Variants in REEP3 observed in about 807,000 individuals in gnomAD.
REEP3 encodes receptor accessory protein 3, also known as receptor expression-enhancing protein 3.
A neutral mutation model predicts 41.3 loss-of-function variants in REEP3; 20 were observed. The ratio of observed to expected loss-of-function variants is 0.48; its 90% CI spans 0.34 to 0.70. The LOEUF (loss-of-function observed/expected upper bound fraction) is 0.70, where lower values mean the gene tolerates loss of function less well. Ranked by LOEUF, REEP3 falls within the 30% of genes least tolerant of loss-of-function variation. The probability of loss-of-function intolerance (pLI) is 0.01; values close to 1 mark genes in which losing one functional copy is unlikely to be tolerated. For missense variants in REEP3, 271 were observed against 308.8 expected, an observed-to-expected ratio of 0.88 and a Z score of 0.92; for synonymous variants, 104 against 101.8, an observed-to-expected ratio of 1.02 and a Z score of -0.13.
intron 1 of REEP3, among the ~76,000 whole-genome samples, chr10:63,553,614 A>G (rs780861261): frequency 1.3e-5 from 2 of 152,172 alleles, no homozygotes; most frequent in Non-Finnish European, 2.9e-5. Flanking sequence ...ATCTGAGTTC[A>G]GTTTAGAGAA....
intron 1 of REEP3, among the ~76,000 whole-genome samples, chr10:63,527,132 A>G (rs1009344955): frequency 4.0e-5 from 6 of 151,886 alleles, no homozygotes; most frequent in South Asian, 4.2e-4. Flanking sequence ...GATTCTCTTC[A>G]TTTATATTGG....
At chr10:63,568,860 A>C (rs1419963975) in intron 2 of REEP3, among the ~76,000 whole-genome samples, 1 of 151,752 alleles carries the variant, frequency 6.6e-6, no homozygotes, top group Non-Finnish European at 1.5e-5. Context: ...ACAGAGTCTT[A>C]CTATGTTGTC....
intron 1 of REEP3, among the ~76,000 whole-genome samples, chr10:63,556,802 A>AT (rs1369896431): frequency 6.7e-6 from 1 of 148,264 alleles, no homozygotes; most frequent in African/African-American, 2.5e-5. Context: ...CGCCCGGCTA[A>AT]TTTTTTGTAT....
intron 1 of REEP3, among the ~76,000 whole-genome samples, chr10:63,532,585 G>A (rs1275483233): frequency 6.6e-6 from 1 of 151,934 alleles, no homozygotes; most frequent in African/African-American, 2.4e-5. Context: ...GAACCCAGGA[G>A]GCGGAGCTCG....
At chr10:63,597,916 A>G in intron 3 of REEP3, 108 bp from the exon 4 acceptor site, 1 of 1,030,358 alleles carries the variant, frequency 9.7e-7, no homozygotes, top group Non-Finnish European at 1.4e-6. Flanking sequence ...TCAAAAAAAA[A>G]AAAACAAAAA....
chr10:63,573,117 T>G (rs561175740), intron 2 of REEP3, among the ~76,000 whole-genome samples: 2 of 152,360 alleles, frequency 1.3e-5, no homozygotes, highest in South Asian at 4.1e-4. Context: ...CCATTCCCCT[T>G]AAGCCTGCAA....
At chr10:63,549,474 A>ATGCC (rs1554804092) in intron 1 of REEP3, among the ~76,000 whole-genome samples, 1 of 152,188 alleles carries the variant, frequency 6.6e-6, no homozygotes, top group Non-Finnish European at 1.5e-5. Context: ...AGGCTGAGGC[A>ATGCC]GGAGGATCCC....
chr10:63,584,644 GA>G (rs1380626795), intron 2 of REEP3, among the ~76,000 whole-genome samples: 16 of 151,848 alleles, frequency 1.1e-4, no homozygotes, highest in Non-Finnish European at 1.5e-5. Flanking sequence ...AGTGGGGGGG[GA>G]ATCATTATGA....
intron 1 of REEP3, among the ~76,000 whole-genome samples, chr10:63,543,338 CA>C (rs895517928): frequency 6.6e-6 from 1 of 152,038 alleles, no homozygotes; most frequent in African/African-American, 2.4e-5. Context: ...CTGTGTTGCC[CA>C]GGCTAAAGTA....
At position 63,622,824 on chromosome 10, in the gene REEP3, G is replaced by C. The variant is rs563897974; in HGVS notation, c.*1955G>C. ...CGGGTTCGAGCGATTCTCCTGCCTCGGCCTCCCGAGTAACTGGGTCTACAG... is the reference window on the plus strand; with the variant it reads ...CGGGTTCGAGCGATTCTCCTGCCTCCGCCTCCCGAGTAACTGGGTCTACAG... On this transcript the variant is annotated 3_prime_UTR_variant, in exon 8 of 8. Coordinates refer to ENST00000373758, the MANE Select transcript of REEP3 (RefSeq NM_001001330.3). 6.7e-6 allele frequency: 1 copy of C among 149,530 alleles called. No individual in the cohort carries two copies. The highest frequency in any genetic ancestry group is 2.5e-5 in the African/African-American group (1 of 40,364). 9.3% of individuals were successfully genotyped at this position (149,530 alleles called of 1,614,324 possible). A position where few individuals can be genotyped will look rare whatever the true frequency, so the allele number is the denominator to read the frequency against.
At chr10:63,567,438 T>C (rs1260615676) in intron 2 of REEP3, among the ~76,000 whole-genome samples, 1 of 152,218 alleles carries the variant, frequency 6.6e-6, no homozygotes, top group African/African-American at 2.4e-5. Flanking sequence ...ATATGTGACC[T>C]TTTGTGTCTG....
rs72837100 is a variant in REEP3 at position 63,564,337 on chromosome 10, A to G, written c.33-2001A>G. Reference sequence around the variant, plus strand: ...AATTTGCTGGTATTCAGAAACACACATTAGGCCAGATGCTGTGGCTTGTGC... The same window carrying G: ...AATTTGCTGGTATTCAGAAACACACGTTAGGCCAGATGCTGTGGCTTGTGC... On this transcript the variant is annotated intron_variant, in intron 1 of 7. Transcript: ENST00000373758. 2.9e-3 allele frequency among the ~76,000 whole-genome samples: 445 copies of G among 152,288 alleles called. 1 individual carries two copies. Among genetic ancestry groups the G allele is most frequent in the Non-Finnish European group, 4.5e-3 (307 of 68,004 alleles).
intron 2 of REEP3, among the ~76,000 whole-genome samples, chr10:63,573,322 A>T (rs1955870307): frequency 6.6e-6 from 1 of 152,224 alleles, no homozygotes; most frequent in Non-Finnish European, 1.5e-5. Context: ...TGAAATGTAA[A>T]CTTACTGAAG....
In REEP3 at chr10:63,587,164, C is replaced by A. The variant is rs534169026; in HGVS notation, c.106-7614C>A. 2.0e-5 allele frequency among the ~76,000 whole-genome samples: 3 copies of A among 152,304 alleles called. No individual in the cohort carries two copies. In the South Asian group the frequency reaches 6.2e-4, roughly 32 times the overall value. ...ATGATAGCTAACAAATTCACACAGA[C>A]TTCACACTTGCCAAGGGATCACAAT... On this transcript the variant is annotated intron_variant, in intron 2 of 7. Transcript: ENST00000373758.
intron 1 of REEP3, among the ~76,000 whole-genome samples, chr10:63,550,329 C>A (rs1955616746): frequency 6.6e-6 from 1 of 152,152 alleles, no homozygotes; most frequent in Non-Finnish European, 1.5e-5. Context: ...GAAGTTAATA[C>A]TTTGATTGTA....
intron 1 of REEP3, among the ~76,000 whole-genome samples, chr10:63,555,946 G>T (rs1420202480): frequency 6.6e-6 from 1 of 151,962 alleles, no homozygotes; most frequent in Non-Finnish European, 1.5e-5. Context: ...ATTCATCAGA[G>T]GATTCTACAA....
chr10:63,566,856 T>C (rs1202995656), intron 2 of REEP3, among the ~76,000 whole-genome samples: 1 of 152,218 alleles, frequency 6.6e-6, no homozygotes, highest in Non-Finnish European at 1.5e-5. Context: ...CTGCAGTCTT[T>C]TTTCCTTCTT....
chr10:63,560,468 T>C (rs1008676471), intron 1 of REEP3, among the ~76,000 whole-genome samples: 1 of 152,252 alleles, frequency 6.6e-6, no homozygotes, highest in South Asian at 2.1e-4. Flanking sequence ...GAAAATGATA[T>C]GAGGACCATC....
intron 2 of REEP3, among the ~76,000 whole-genome samples, chr10:63,590,314 G>A (rs905235186): frequency 1.1e-4 from 16 of 152,298 alleles, no homozygotes; most frequent in Admixed American, 9.2e-4. Flanking sequence ...CTATTCCCAT[G>A]CCATGAGGCA....
Sources: gnomAD v4.1 joint callset for allele counts (sites outside exome capture counted in the v4.1 genomes callset) on GRCh38, gnomAD v4.1.1 for gene constraint, MANE v1.5 for transcripts, NCBI Gene and HGNC (gene_info 2026-07-23, HGNC 2026-07-21) for gene names.